PIP5K1B: variants seen among roughly 807,000 people sequenced by gnomAD.
The protein encoded by PIP5K1B is phosphatidylinositol-4-phosphate 5-kinase type 1 beta, also known as phosphatidylinositol 4-phosphate 5-kinase type-1 beta.
Under a neutral mutation model 67.0 loss-of-function variants are expected in PIP5K1B, and 42 were observed. The observed-to-expected ratio is 0.63, with a 90% CI of 0.49 to 0.81. The LOEUF (loss-of-function observed/expected upper bound fraction) is 0.81. Among genes scored for constraint, PIP5K1B ranks in the 30% least tolerant of loss-of-function variants. The pLI is 0.00. For synonymous variants in PIP5K1B, 214 were observed against 231.4 expected, an observed-to-expected ratio of 0.92 and a Z score of 0.68; for missense variants, 459 against 646.3, an observed-to-expected ratio of 0.71 and a Z score of 3.14.
intron 2 of PIP5K1B, among the ~76,000 whole-genome samples, chr9:68,796,044 T>A (rs1832273434): frequency 6.6e-6 from 1 of 152,228 alleles, no homozygotes; most frequent in African/African-American, 2.4e-5. Context: ...GTAGTACACT[T>A]CACTGAGATG....
Position 68,889,122 on chromosome 9 carries a change from G to A in PIP5K1B, c.460G>A (p.Gly154Ser), listed in dbSNP as rs1213309875. ...EAEFLQKLLP[G>S]YYMNLNQNPR... is the part of the protein sequence containing the mutation. ...TGAGTTTCTTCAGAAGCTACTGCCA[G>A]GCTATTACATGGTAAGGAACTGCAC... The change falls in exon 7 of 16, where the codon GGC becomes AGC. Residue 154 changes from glycine (G) to serine (S), a missense_variant. Coordinates refer to ENST00000265382, the MANE Select transcript of PIP5K1B (RefSeq NM_003558.4). The A allele has an allele frequency of 6.2e-7, 1 of 1,612,708 alleles. No homozygotes were observed. Among genetic ancestry groups the A allele is most frequent in the Non-Finnish European group, 8.5e-7 (1 of 1,178,994 alleles).
chr9:68,852,260 T>A (rs979631509), intron 4 of PIP5K1B, among the ~76,000 whole-genome samples: 2 of 152,116 alleles, frequency 1.3e-5, no homozygotes, highest in African/African-American at 2.4e-5. Context: ...AGACTCTGTT[T>A]GCAAAGATGT....
At chr9:68,916,633 G>A (rs1218118022) in intron 8 of PIP5K1B, among the ~76,000 whole-genome samples, 1 of 152,130 alleles carries the variant, frequency 6.6e-6, no homozygotes. Context: ...CAGCACTTTG[G>A]GAGGCCGAGG....
chr9:68,946,404 G>GGT, intron 14 of PIP5K1B, among the ~76,000 whole-genome samples: 1 of 147,520 alleles, frequency 6.8e-6, no homozygotes, highest in East Asian at 2.0e-4. Context: ...TTTGTTTTTT[G>GGT]TTTTTTTTTT....
chr9:68,771,612 A>G (rs1005807789), intron 2 of PIP5K1B, among the ~76,000 whole-genome samples: 18 of 152,182 alleles, frequency 1.2e-4, no homozygotes, highest in Admixed American at 2.0e-4. Flanking sequence ...AATCCTAGAA[A>G]TCGAATGAGT....
intron 2 of PIP5K1B, among the ~76,000 whole-genome samples, chr9:68,785,091 TG>T: frequency 6.6e-6 from 1 of 152,126 alleles, no homozygotes; most frequent in Non-Finnish European, 1.5e-5. Context: ...GATGCCAGGT[TG>T]CAGTTGGATG....
chr9:68,985,433 G>A (rs1255707660), intron 14 of PIP5K1B, among the ~76,000 whole-genome samples: 2 of 151,696 alleles, frequency 1.3e-5, no homozygotes, highest in African/African-American at 4.9e-5. Flanking sequence ...TGTATTTTTA[G>A]TAGAGACAGG....
At chr9:68,804,143 G>A (rs1832743665) in intron 2 of PIP5K1B, among the ~76,000 whole-genome samples, 2 of 152,152 alleles carry the variant, frequency 1.3e-5, no homozygotes, top group South Asian at 4.1e-4. Context: ...GCCGCAGCCA[G>A]GAGGGAGCAT....
intron 2 of PIP5K1B, among the ~76,000 whole-genome samples, chr9:68,797,479 G>GT (rs1296935457): frequency 1.2e-4 from 19 of 152,174 alleles, no homozygotes; most frequent in Non-Finnish European, 5.9e-5. Context: ...GTTGGTGATG[G>GT]TGGTAGTGTT....
At chr9:68,906,956 A>G (rs1333412594) in intron 8 of PIP5K1B, among the ~76,000 whole-genome samples, 1 of 152,180 alleles carries the variant, frequency 6.6e-6, no homozygotes, top group Non-Finnish European at 1.5e-5. Context: ...AAAGGTCTAC[A>G]ATCAAATTTT....
chr9:68,960,012 A>G (rs1246214828), intron 14 of PIP5K1B, among the ~76,000 whole-genome samples: 1 of 152,024 alleles, frequency 6.6e-6, no homozygotes, highest in African/African-American at 2.4e-5. Flanking sequence ...TAGTGTTTAT[A>G]TTTCCCTCTT....
Position 68,876,635 on chromosome 9 carries a change from T to C in PIP5K1B, c.201-42T>C, listed in dbSNP as rs768357320. ...TTGCGGTCAAAATTGTCCTTGCTAATGTGTTCTTTCTTTCTCTCTCTTTTT... is the reference window on the plus strand; with the variant it reads ...TTGCGGTCAAAATTGTCCTTGCTAACGTGTTCTTTCTTTCTCTCTCTTTTT... On this transcript the variant is annotated intron_variant, in intron 5 of 15. Coordinates refer to ENST00000265382, the MANE Select transcript of PIP5K1B (RefSeq NM_003558.4). 21 of 1,080,266 alleles carry C rather than the reference T, an allele frequency of 1.9e-5. 1 individual carries two copies. The South Asian group carries it at 2.5e-4, about 13-fold the overall frequency. The allele number at this position is 1,080,266 out of a possible 1,614,324, so 66.9% of individuals were successfully genotyped here. A position where few individuals can be genotyped will look rare whatever the true frequency, so the allele number is the denominator to read the frequency against.
At chr9:68,794,136 C>T (rs543721745) in intron 2 of PIP5K1B, among the ~76,000 whole-genome samples, 1 of 152,052 alleles carries the variant, frequency 6.6e-6, no homozygotes, top group Non-Finnish European at 1.5e-5. Context: ...AGAGTCATTG[C>T]GGTGGAGTGG....
chr9:68,869,916 C>T (rs1042784603), intron 5 of PIP5K1B, among the ~76,000 whole-genome samples: 1 of 152,162 alleles, frequency 6.6e-6, no homozygotes, highest in Non-Finnish European at 1.5e-5. Flanking sequence ...GGGTAGAAGA[C>T]AAAGCTGCCA....
At chr9:68,985,032 G>C (rs75460081) in intron 14 of PIP5K1B, among the ~76,000 whole-genome samples, 1 of 152,190 alleles carries the variant, frequency 6.6e-6, no homozygotes, top group South Asian at 2.1e-4. Context: ...GAGGGATTGC[G>C]TGTATGAGTG....
intron 4 of PIP5K1B, among the ~76,000 whole-genome samples, chr9:68,856,223 A>G (rs1822773622): frequency 6.6e-6 from 1 of 152,182 alleles, no homozygotes; most frequent in Non-Finnish European, 1.5e-5. Flanking sequence ...TAATGAACTC[A>G]TATGATTTGC....
Position 69,008,033 on chromosome 9 carries a change from C to G in PIP5K1B, c.1621-414C>G, listed in dbSNP as rs530412141. Among the ~76,000 whole-genome samples, 12 of 152,220 alleles carry G rather than the reference C, an allele frequency of 7.9e-5. No individual in the cohort carries two copies. In the South Asian group the frequency reaches 1.5e-3, roughly 18 times the overall value. Reference sequence around the variant, plus strand: ...CTACCATTTGCTGAACATATTGTTACCACCCAGCCACAGTGATATTGTTTG... The same window carrying G: ...CTACCATTTGCTGAACATATTGTTAGCACCCAGCCACAGTGATATTGTTTG... On this transcript the variant is annotated intron_variant, in intron 15 of 15. Coordinates refer to ENST00000265382, the MANE Select transcript of PIP5K1B (RefSeq NM_003558.4).
intron 8 of PIP5K1B, among the ~76,000 whole-genome samples, chr9:68,903,645 C>G (rs1456922932): frequency 6.6e-6 from 1 of 152,134 alleles, no homozygotes; most frequent in Admixed American, 6.5e-5. Flanking sequence ...GAGCTGCTGG[C>G]AGCAACAGAA....
chr9:68,745,213 A>G (rs1829231336), intron 2 of PIP5K1B, among the ~76,000 whole-genome samples: 1 of 152,082 alleles, frequency 6.6e-6, no homozygotes, highest in East Asian at 1.9e-4. Context: ...GAAGGGGGAG[A>G]AGCAGGGAGG....
Sources: allele counts gnomAD v4.1 joint callset (sites outside exome capture counted in the v4.1 genomes callset), GRCh38; gene constraint gnomAD v4.1.1; transcripts MANE v1.5; gene names NCBI Gene and HGNC (gene_info 2026-07-23, HGNC 2026-07-21).